SLIT2: variants seen among roughly 807,000 people sequenced by gnomAD.
The protein encoded by SLIT2 is slit guidance ligand 2.
In SLIT2, 41 loss-of-function variants were observed where a neutral mutation model predicts 185.7. The ratio of observed to expected loss-of-function variants is 0.22; its 90% CI spans 0.17 to 0.29. The LOEUF (loss-of-function observed/expected upper bound fraction) is 0.29, where lower values mean the gene tolerates loss of function less well. SLIT2 is among the 10% of genes least tolerant of loss of function. The pLI is 1.00. For synonymous variants in SLIT2, 693 were observed against 680.2 expected, an observed-to-expected ratio of 1.02 and a Z score of -0.29; for missense variants, 1,571 against 1,909.0, an observed-to-expected ratio of 0.82 and a Z score of 3.30.
chr4:20,542,348 A>G (rs540607301), intron 20 of SLIT2, 146 bp from the exon 21 acceptor site: 5 of 789,766 alleles, frequency 6.3e-6, no homozygotes, highest in South Asian at 3.6e-5. Flanking sequence ...TACGGTATCA[A>G]TTAGTAAATA....
At chr4:20,472,851 C>T (rs190791003) in intron 5 of SLIT2, among the ~76,000 whole-genome samples, 8 of 150,880 alleles carry the variant, frequency 5.3e-5, no homozygotes, top group Admixed American at 4.0e-4. Context: ...ACTAATAGTA[C>T]TTAGTAAGTA....
intron 4 of SLIT2, among the ~76,000 whole-genome samples, chr4:20,279,383 T>C (rs937616542): frequency 1.4e-4 from 22 of 152,198 alleles, no homozygotes; most frequent in African/African-American, 5.1e-4. Flanking sequence ...GCCTGGAAAT[T>C]CCCAGCATTA....
chr4:20,514,486 C>T (rs1053258087), intron 11 of SLIT2, among the ~76,000 whole-genome samples: 4 of 151,884 alleles, frequency 2.6e-5, no homozygotes, highest in African/African-American at 7.3e-5. Flanking sequence ...ACTGAAAATA[C>T]AAAAATTAGT....
intron 4 of SLIT2, among the ~76,000 whole-genome samples, chr4:20,374,883 A>G (rs1723894237): frequency 6.6e-6 from 1 of 152,092 alleles, no homozygotes; most frequent in Admixed American, 6.6e-5. Context: ...TTTTTCTGAT[A>G]ACTCTAAAAA....
rs992889050 is a variant in SLIT2 at position 20,553,921 on chromosome 4, C to A, written c.2678C>A (p.Ala893Glu). 2.5e-6 allele frequency: 4 copies of A among 1,610,538 alleles called. No homozygotes were observed. Among genetic ancestry groups the A allele is most frequent in the Non-Finnish European group, 2.5e-6 (3 of 1,178,908 alleles). The change falls in exon 26 of 37, where the codon GCA becomes GAA. Residue 893 changes from alanine (A) to glutamate (E), a missense_variant. By Grantham distance (107) the Ala-to-Glu change is moderately radical. This residue lies in a region of SLIT2 where 1,202 missense variants were observed against 1,416.4 expected (regional missense o/e 0.85). Transcript: ENST00000504154. Reference protein sequence around the residue: ...IARCAGPGEMADKLLLTTPSK... With the variant: ...IARCAGPGEMEDKLLLTTPSK... ...CGTTGTGCTGGTCCTGGAGAAATGG[C>A]AGATAAACTTTTACTCACAACTCCC...
chr4:20,356,996 A>G (rs561603586), intron 4 of SLIT2, among the ~76,000 whole-genome samples: 23 of 152,214 alleles, frequency 1.5e-4, no homozygotes, highest in Non-Finnish European at 3.2e-4. Flanking sequence ...TGAAAAAAAT[A>G]TGTATTTGTT....
chr4:20,509,471 G>T (rs1183541779), intron 9 of SLIT2, among the ~76,000 whole-genome samples: 2 of 152,068 alleles, frequency 1.3e-5, no homozygotes, highest in African/African-American at 4.8e-5. Flanking sequence ...GAGAAGGGAA[G>T]AAATATCCTG....
intron 4 of SLIT2, among the ~76,000 whole-genome samples, chr4:20,466,768 G>A (rs1391389532): frequency 6.6e-6 from 1 of 152,028 alleles, no homozygotes; most frequent in Non-Finnish European, 1.5e-5. Flanking sequence ...GTGGTTAGTA[G>A]CTTCGTATTT....
At chr4:20,422,047 C>A (rs1302528924) in intron 4 of SLIT2, among the ~76,000 whole-genome samples, 2 of 152,146 alleles carry the variant, frequency 1.3e-5, no homozygotes, top group East Asian at 1.9e-4. Flanking sequence ...TTTCAGAGTT[C>A]ATTTCTTGGC....
chr4:20,495,156 A>G (rs1718120630), intron 9 of SLIT2, among the ~76,000 whole-genome samples: 1 of 152,220 alleles, frequency 6.6e-6, no homozygotes, highest in African/African-American at 2.4e-5. Context: ...AAAGAAAAGA[A>G]GTATTGATTA....
At chr4:20,480,931 A>T (rs2290752) in intron 6 of SLIT2, 144 bp downstream of exon 6, 38,637 of 653,460 alleles carry the variant, frequency 0.059, 1,628 homozygotes, top group Admixed American at 0.19. Flanking sequence ...GTGAATACAG[A>T]GAAGAGTCTA....
chr4:20,422,750 G>A (rs1560410186), intron 4 of SLIT2, among the ~76,000 whole-genome samples: 2 of 152,064 alleles, frequency 1.3e-5, no homozygotes, highest in East Asian at 3.9e-4. Context: ...GAGATCTGAG[G>A]CAGCAACGAG....
intron 4 of SLIT2, among the ~76,000 whole-genome samples, chr4:20,312,201 G>A (rs184480381): frequency 7.6e-4 from 115 of 152,040 alleles, no homozygotes; most frequent in African/African-American, 2.7e-3. Context: ...TAAATATTTC[G>A]CTTTAAGTTA....
At chr4:20,262,887 G>A (rs537665801) in intron 3 of SLIT2, among the ~76,000 whole-genome samples, 1 of 151,942 alleles carries the variant, frequency 6.6e-6, no homozygotes, top group South Asian at 2.1e-4. Flanking sequence ...GGGCCTTGAA[G>A]TTTAATGGTG....
At position 20,403,990 on chromosome 4, in the gene SLIT2, T is replaced by A. The variant is rs147412205; in HGVS notation, c.396-63762T>A. 1.7e-3 allele frequency among the ~76,000 whole-genome samples: 253 copies of A among 152,058 alleles called. 2 individuals carry two copies. Among genetic ancestry groups the A allele is most frequent in the African/African-American group, 5.9e-3 (247 of 41,530 alleles). ...GCATACAAACATGAAATGTCAACTTTGCCTCAATAAAGATGAATTATTTAT... is the reference window on the plus strand; with the variant it reads ...GCATACAAACATGAAATGTCAACTTAGCCTCAATAAAGATGAATTATTTAT... On this transcript the variant is annotated intron_variant, in intron 4 of 36. Transcript: ENST00000504154.
intron 25 of SLIT2, among the ~76,000 whole-genome samples, chr4:20,551,958 C>T (rs1375882738): frequency 6.6e-6 from 1 of 152,120 alleles, no homozygotes; most frequent in African/African-American, 2.4e-5. Flanking sequence ...TCTGTGTTAT[C>T]AATTGATGTT....
chr4:20,329,193 T>C (rs1173838828), intron 4 of SLIT2, among the ~76,000 whole-genome samples: 1 of 151,946 alleles, frequency 6.6e-6, no homozygotes, highest in Non-Finnish European at 1.5e-5. Context: ...GGCATTGTAA[T>C]AGGAACAATA....
At chr4:20,262,141 G>T (rs544939736) in intron 3 of SLIT2, among the ~76,000 whole-genome samples, 48 of 151,756 alleles carry the variant, frequency 3.2e-4, no homozygotes, top group Non-Finnish European at 6.8e-4. Flanking sequence ...AATTAGAAAA[G>T]TCTAAGTCCC....
chr4:20,535,592 A>G (rs1034795857), intron 18 of SLIT2, among the ~76,000 whole-genome samples: 7 of 152,168 alleles, frequency 4.6e-5, no homozygotes, highest in African/African-American at 1.7e-4. Context: ...TGCTTACACA[A>G]CAGAAACTGA....
Sources: allele counts gnomAD v4.1 joint callset (sites outside exome capture counted in the v4.1 genomes callset), GRCh38; gene constraint gnomAD v4.1.1; regional missense constraint gnomAD v4.1.1; transcripts MANE v1.5; gene names NCBI Gene and HGNC (gene_info 2026-07-23, HGNC 2026-07-21).